The following MTR variants were observed in gnomAD, a reference collection of about 807,000 sequenced individuals.
MTR encodes the protein 5-methyltetrahydrofolate-homocysteine methyltransferase.
A neutral mutation model predicts 154.8 loss-of-function variants in MTR; 84 were observed. The observed-to-expected ratio is 0.54, with a 90% CI of 0.45 to 0.65. The LOEUF is 0.65. Ranked by LOEUF, MTR falls within the 30% of genes least tolerant of loss-of-function variation. The pLI, the probability that MTR is intolerant of heterozygous loss-of-function variation, is 0.00. For synonymous variants in MTR, 554 were observed against 553.9 expected, an observed-to-expected ratio of 1.00 and a Z score of 0.00; for missense variants, 1,275 against 1,570.2, an observed-to-expected ratio of 0.81 and a Z score of 3.18.
At position 236,861,681 on chromosome 1, in the gene MTR, C is replaced by T. The variant is rs539388483; in HGVS notation, c.2196+404C>T. 6.6e-5 allele frequency among the ~76,000 whole-genome samples: 10 copies of T among 152,136 alleles called. No homozygotes were observed. In the East Asian group the frequency reaches 1.2e-3, roughly 18 times the overall value. On this transcript the variant is annotated intron_variant, in intron 20 of 32. Transcript: ENST00000366577. ...AGACAAATGTTACTGTTTTAAATGA[C>T]GGTACATTAAGTGGTTTGTTTAAAG...
At chr1:236,828,010 C>T (rs1272363752) in intron 11 of MTR, among the ~76,000 whole-genome samples, 1 of 151,992 alleles carries the variant, frequency 6.6e-6, no homozygotes, top group African/African-American at 2.4e-5. Flanking sequence ...TGGAGTCTTG[C>T]TCTGTTGCCC....
rs143679987 is a variant in MTR, at chr1:236,813,742, A to G, written c.609+898A>G. On this transcript the variant is annotated intron_variant, in intron 6 of 32. Coordinates refer to ENST00000366577, the MANE Select transcript of MTR (RefSeq NM_000254.3). Reference sequence around the variant, plus strand: ...CTTTTTAAAATTGAGTCCTTTACTGAGGAAATCAGGCCCCTCTCAATAATA... The same window carrying G: ...CTTTTTAAAATTGAGTCCTTTACTGGGGAAATCAGGCCCCTCTCAATAATA... 1.5e-3 allele frequency among the ~76,000 whole-genome samples: 223 copies of G among 152,020 alleles called. 1 individual carries two copies. The highest frequency in any genetic ancestry group is 4.8e-3 in the African/African-American group (200 of 41,460).
chr1:236,855,784 T>G (rs1664170424), intron 18 of MTR, among the ~76,000 whole-genome samples: 1 of 152,194 alleles, frequency 6.6e-6, no homozygotes, highest in Non-Finnish European at 1.5e-5. Context: ...GTCAGTTTGC[T>G]TGGTAGCTTT....
intron 11 of MTR, among the ~76,000 whole-genome samples, chr1:236,827,962 G>C (rs1662388064): frequency 1.3e-5 from 2 of 152,008 alleles, no homozygotes; most frequent in South Asian, 4.1e-4. Flanking sequence ...TGATGTGATA[G>C]ACTCTTAGTA....
Position 236,903,855 on chromosome 1 carries a change from T to A in MTR, c.*6211T>A, listed in dbSNP as rs989943115. On this transcript the variant is annotated 3_prime_UTR_variant, in exon 33 of 33. Coordinates refer to ENST00000366577, the MANE Select transcript of MTR (RefSeq NM_000254.3). Reference sequence around the variant, plus strand: ...ATTTCAATGCTTACCTTTAATCATGTGACATTGTTTATCTTGGATTAAAAG... The same window carrying A: ...ATTTCAATGCTTACCTTTAATCATGAGACATTGTTTATCTTGGATTAAAAG... The A allele has an allele frequency of 6.6e-6, 1 of 152,232 alleles. No homozygotes were observed. The highest frequency in any genetic ancestry group is 1.5e-5 in the Non-Finnish European group (1 of 68,034). The allele number at this position is 152,232 out of a possible 1,614,324, so 9.4% of individuals were successfully genotyped here. A position where few individuals can be genotyped will look rare whatever the true frequency, so the allele number is the denominator to read the frequency against.
At position 236,903,180 on chromosome 1, in the gene MTR, T is replaced by G. The variant is rs1451549587; in HGVS notation, c.*5536T>G. The G allele has an allele frequency of 6.6e-6, 1 of 152,238 alleles. No individual in the cohort carries two copies. The highest frequency in any genetic ancestry group is 2.4e-5 in the African/African-American group (1 of 41,464). The allele number at this position is 152,238 out of a possible 1,614,324, so 9.4% of individuals were successfully genotyped here. On this transcript the variant is annotated 3_prime_UTR_variant, in exon 33 of 33. Transcript: ENST00000366577. ...AGGATACACAGAAATTTTTAAGTGG[T>G]TACCTCCACGGAATGGGATTAGGGG...
chr1:236,824,273 G>T, intron 9 of MTR, 54 bp downstream of exon 9: 1 of 1,347,966 alleles, frequency 7.4e-7, no homozygotes. Context: ...ATAAGACATG[G>T]CATAGATGAG....
At chr1:236,841,371 G>A (rs1472498961) in intron 15 of MTR, among the ~76,000 whole-genome samples, 2 of 152,148 alleles carry the variant, frequency 1.3e-5, no homozygotes, top group Non-Finnish European at 2.9e-5. Flanking sequence ...TTCTATGAAG[G>A]TAATATTTAT....
At position 236,808,762 on chromosome 1, in the gene MTR, C is replaced by G. The variant is rs777926993; in HGVS notation, c.398C>G (p.Thr133Ser). 1.9e-6 allele frequency: 3 copies of G among 1,614,144 alleles called. No individual in the cohort carries two copies. In the East Asian group the frequency reaches 6.7e-5, roughly 36 times the overall value. Residue 133 changes from threonine (T) to serine (S), a missense_variant, in exon 4 of 33, where the codon ACT becomes AGT. By Grantham distance (58) the Thr-to-Ser change is moderately conservative (BLOSUM62 1). Transcript: ENST00000366577. ...GVARKAAEEV[T>S]LQTGIKRFVA... is the part of the protein sequence containing the mutation. ...GCCAGAAAAGCTGCCGAGGAGGTAACTCTCCAGACAGGTAGGGAATGTTCT... is the reference window on the plus strand; with the variant it reads ...GCCAGAAAAGCTGCCGAGGAGGTAAGTCTCCAGACAGGTAGGGAATGTTCT...
chr1:236,863,433 G>C, intron 21 of MTR, 21 bp from the exon 22 acceptor site: 1 of 1,609,030 alleles, frequency 6.2e-7, no homozygotes, highest in Non-Finnish European at 8.5e-7. Context: ...GCCTTGCTGA[G>C]CTGCTTGGCT....
intron 15 of MTR, among the ~76,000 whole-genome samples, chr1:236,844,809 G>A (rs1468083603): frequency 1.3e-5 from 2 of 152,194 alleles, no homozygotes; most frequent in African/African-American, 4.8e-5. Flanking sequence ...CTCAGAGTGA[G>A]AATGGAATGT....
At chr1:236,820,575 G>A (rs1661872647) in intron 8 of MTR, 8 of 500,334 alleles carry the variant, frequency 1.6e-5, no homozygotes, top group South Asian at 5.1e-5. Flanking sequence ...TGGAAAATAA[G>A]CGTCAGTTTC....
chr1:236,820,339 C>T, intron 8 of MTR: 3 of 755,946 alleles, frequency 4.0e-6, no homozygotes, highest in Non-Finnish European at 7.3e-6. Flanking sequence ...TGCTCCAGCT[C>T]CCGAGTTCAC....
intron 18 of MTR, among the ~76,000 whole-genome samples, chr1:236,853,637 C>T (rs1384421165): frequency 6.6e-6 from 1 of 152,030 alleles, no homozygotes; most frequent in Non-Finnish European, 1.5e-5. Context: ...TATTTTTCTA[C>T]CTCATTATTT....
At chr1:236,797,035 C>A (rs1464630244) in intron 1 of MTR, among the ~76,000 whole-genome samples, 1 of 151,548 alleles carries the variant, frequency 6.6e-6, no homozygotes, top group African/African-American at 2.4e-5. Flanking sequence ...AAAAAATAAA[C>A]TGAAAGGAAA....
intron 3 of MTR, 86 bp downstream of exon 3, chr1:236,806,319 T>TG: frequency 9.3e-7 from 1 of 1,080,764 alleles, no homozygotes; most frequent in South Asian, 1.3e-5. Flanking sequence ...CACTGGAAGC[T>TG]GCAGAGTCAA....
intron 23 of MTR, 149 bp downstream of exon 23, chr1:236,873,989 T>C: frequency 1.3e-6 from 1 of 754,866 alleles, no homozygotes; most frequent in Non-Finnish European, 2.3e-6. Context: ...CCAGGTTGCT[T>C]TCATTGCCAT....
intron 22 of MTR, among the ~76,000 whole-genome samples, chr1:236,870,408 T>C (rs1665061410): frequency 6.6e-6 from 1 of 152,200 alleles, no homozygotes; most frequent in Non-Finnish European, 1.5e-5. Flanking sequence ...TTGGACCTCT[T>C]CTCTGTCTTC....
At chr1:236,823,676 G>C (rs1338260887) in intron 8 of MTR, among the ~76,000 whole-genome samples, 1 of 151,994 alleles carries the variant, frequency 6.6e-6, no homozygotes, top group Non-Finnish European at 1.5e-5. Flanking sequence ...CTGTGGGGTA[G>C]AGCATAAGTC....
Sources: allele counts gnomAD v4.1 joint callset (sites outside exome capture counted in the v4.1 genomes callset), GRCh38; gene constraint gnomAD v4.1.1; transcripts MANE v1.5; gene names NCBI Gene and HGNC (gene_info 2026-07-23, HGNC 2026-07-21).